The following SYNPO variants were observed in gnomAD, a reference collection of about 807,000 sequenced individuals.
The protein encoded by SYNPO is synaptopodin.
A neutral mutation model predicts 49.5 loss-of-function variants in SYNPO; 19 were observed. The observed-to-expected ratio is 0.38, with a 90% CI of 0.27 to 0.56. The LOEUF is 0.56. Ranked by LOEUF, SYNPO falls within the 20% of genes least tolerant of loss-of-function variation. The pLI is 0.68. For missense variants in SYNPO, 1,131 were observed against 1,248.3 expected (o/e 0.91, Z 1.42); for synonymous variants, 536 against 548.0 (o/e 0.98, Z 0.31).
At chr5:150,641,475 G>A (rs1208082765) in intron 1 of SYNPO, among the ~76,000 whole-genome samples, 3 of 152,178 alleles carry the variant, frequency 2.0e-5, no homozygotes, top group Non-Finnish European at 4.4e-5. Context: ...CCCATTGACG[G>A]CATCGTGTGA....
chr5:150,624,896 C>T (rs1277288112), intron 2 of SYNPO: 8 of 985,372 alleles, frequency 8.1e-6, no homozygotes, highest in Non-Finnish European at 9.6e-6. Context: ...GGACCGTGCG[C>T]AGCGGCTGGA....
intron 1 of SYNPO, among the ~76,000 whole-genome samples, chr5:150,605,744 C>CCACACACACACACATACACACACACA (rs1756673563): frequency 7.1e-6 from 1 of 141,110 alleles, no homozygotes; most frequent in Non-Finnish European, 1.5e-5. Flanking sequence ...ACCACCCCCA[C>CCACACACACACACATACACACACACA]CACACACACA....
At chr5:150,607,767 C>A (rs1441544157) in intron 1 of SYNPO, among the ~76,000 whole-genome samples, 2 of 135,544 alleles carry the variant, frequency 1.5e-5, no homozygotes, top group African/African-American at 2.8e-5. Context: ...CTAGCAGGTA[C>A]ACTAAAAAGT....
At chr5:150,613,945 G>A (rs999695814) in intron 1 of SYNPO, among the ~76,000 whole-genome samples, 2 of 152,132 alleles carry the variant, frequency 1.3e-5, no homozygotes, top group South Asian at 2.1e-4. Flanking sequence ...TGGGGACCCT[G>A]CAGATGATGG....
intron 2 of SYNPO, among the ~76,000 whole-genome samples, chr5:150,622,300 A>C (rs917113601): frequency 1.3e-5 from 2 of 152,210 alleles, no homozygotes; most frequent in East Asian, 3.8e-4. Flanking sequence ...GTCTGGGCCC[A>C]TGCTTTTAAC....
chr5:150,636,963 C>A (rs1175098104), upstream of SYNPO, among the ~76,000 whole-genome samples: 1 of 152,160 alleles, frequency 6.6e-6, no homozygotes, highest in Non-Finnish European at 1.5e-5. Flanking sequence ...TACAGTTAAC[C>A]ACCCCCCAAT....
intron 1 of SYNPO, among the ~76,000 whole-genome samples, chr5:150,607,862 C>G (rs1324368509): frequency 6.6e-6 from 1 of 151,764 alleles, no homozygotes; most frequent in Admixed American, 6.6e-5. Context: ...GTCATGTTAA[C>G]ATGTAATAAA....
Position 150,649,488 on chromosome 5 carries a change from A to C in SYNPO, c.1213A>C (p.Lys405Gln). 6.2e-7 allele frequency: 1 copy of C among 1,613,818 alleles called. No homozygotes were observed. The highest frequency in any genetic ancestry group is 8.5e-7 in the Non-Finnish European group (1 of 1,179,842). ...GGATCTGGTACAGACAGCGGATGAG[A>C]AGCGGCGGCAGAGGGACCAGGGGGA... Reference protein sequence around the residue: ...LLDLVQTADEKRRQRDQGEVG... With the variant: ...LLDLVQTADEQRRQRDQGEVG... Residue 405 changes from lysine to glutamine, a missense_variant, in exon 2 of 3, where the codon AAG becomes CAG. Coordinates refer to ENST00000307662, the MANE Select transcript of SYNPO (RefSeq NM_007286.6).
chr5:150,599,293 T>C (rs1403572112), upstream of SYNPO, among the ~76,000 whole-genome samples: 1 of 152,230 alleles, frequency 6.6e-6, no homozygotes, highest in East Asian at 1.9e-4. Flanking sequence ...CACTTGCTAG[T>C]GGCATGGTGA....
At chr5:150,638,746 C>T (rs78432462), upstream of SYNPO, among the ~76,000 whole-genome samples, 3 of 152,276 alleles carry the variant, frequency 2.0e-5, no homozygotes, top group East Asian at 5.8e-4. Context: ...CTGGCAGAGG[C>T]ACTGTTTAGG....
At chr5:150,611,680 G>C (rs1200913487) in intron 1 of SYNPO, among the ~76,000 whole-genome samples, 4 of 152,200 alleles carry the variant, frequency 2.6e-5, no homozygotes, top group East Asian at 3.9e-4. Flanking sequence ...GGTTGATACT[G>C]ATGGCCGCTG....
chr5:150,618,598 G>T, exon 2 of SYNPO: 1 of 1,551,352 alleles, frequency 6.4e-7, no homozygotes, highest in African/African-American at 1.4e-5. Context: ...AGGGGACACC[G>T]CAGCTGCCCA....
upstream of SYNPO, among the ~76,000 whole-genome samples, chr5:150,636,252 GC>G (rs1300135935): frequency 2.0e-5 from 3 of 152,100 alleles, no homozygotes; most frequent in Non-Finnish European, 4.4e-5. Context: ...CTCTCCTTAA[GC>G]AGTAATATAC....
In SYNPO at chr5:150,649,603, C is replaced by T. The variant is rs564710386; in HGVS notation, c.1328C>T (p.Ala443Val). The T allele has an allele frequency of 1.9e-5, 30 of 1,609,214 alleles. No individual in the cohort carries two copies. In the Middle Eastern group the frequency reaches 6.6e-4, roughly 35 times the overall value. Residue 443 changes from alanine to valine, a missense_variant, in exon 2 of 3, where the codon GCG (alanine) becomes GTG (valine). Ala to Val is a moderately conservative substitution (Grantham distance 64). Transcript: ENST00000307662. ...GCACCTCGTGACAGGGCCAGCCCCG[C>T]GGCGGCGGAGGAGGTGGTACCAGAG... ...EPAPRDRASP[A>V]AAEEVVPEWA...
At chr5:150,591,287 C>T in the SYNPO span, among the ~76,000 whole-genome samples, 3 of 152,204 alleles carry the variant, frequency 2.0e-5, no homozygotes, top group East Asian at 3.8e-4. Context: ...GAGCCCGGGA[C>T]GGGGAGGCTG....
intron 2 of SYNPO, chr5:150,651,559 T>G: frequency 1.0e-6 from 1 of 1,002,054 alleles, no homozygotes; most frequent in Non-Finnish European, 1.2e-6. Flanking sequence ...AGGGTTGGAA[T>G]GAGCTGCTGC....
chr5:150,650,178 A>G lies in SYNPO; in HGVS notation c.1903A>G (p.Thr635Ala), dbSNP rs758502885. Residue 635 changes from threonine (T) to alanine (A), a missense_variant, in exon 2 of 3, where the codon ACT becomes GCT. Physicochemically the swap from Thr to Ala is moderately conservative, Grantham distance 58 (BLOSUM62 0). Around this residue, in one of 4 missense-constraint regions of SYNPO, gnomAD observed 509 missense variants for 484.5 expected, o/e 1.05. Transcript: ENST00000307662. ...TSPGQDSLQP[T>A]AVSPPYGGDI... ...CCCCGGCCAGGACAGCCTGCAGCCC[A>G]CTGCCGTGAGCCCTCCTTACGGCGG... 3.1e-6 allele frequency: 5 copies of G among 1,613,666 alleles called. No homozygotes were observed. In the East Asian group the frequency reaches 1.1e-4, roughly 36 times the overall value.
At chr5:150,612,764 G>A (rs1756882906) in intron 1 of SYNPO, among the ~76,000 whole-genome samples, 1 of 152,126 alleles carries the variant, frequency 6.6e-6, no homozygotes, top group South Asian at 2.1e-4. Flanking sequence ...TACTGGTTTT[G>A]TGTTTTGTTC....
rs1173630754 is a variant in SYNPO, at chr5:150,657,558, T to G, written c.*471T>G. ...ACCTTCAGGGTTCCATACTCGTCCCTCCCCTCCTGGCTCTGCTGTCTGGAG... is the reference window on the plus strand; with the variant it reads ...ACCTTCAGGGTTCCATACTCGTCCCGCCCCTCCTGGCTCTGCTGTCTGGAG... On this transcript the variant is annotated 3_prime_UTR_variant, in exon 3 of 3. Coordinates refer to ENST00000307662, the MANE Select transcript of SYNPO (RefSeq NM_007286.6). 6.4e-6 allele frequency: 1 copy of G among 157,386 alleles called. No homozygotes were observed. Among genetic ancestry groups the G allele is most frequent in the East Asian group, 1.8e-4 (1 of 5,456 alleles). 9.7% of individuals were successfully genotyped at this position (157,386 alleles called of 1,614,324 possible). A position where few individuals can be genotyped will look rare whatever the true frequency, so the allele number is the denominator to read the frequency against.
Sources: gnomAD v4.1 joint callset for allele counts (sites outside exome capture counted in the v4.1 genomes callset) on GRCh38, gnomAD v4.1.1 for gene constraint, gnomAD v4.1.1 regional missense constraint, MANE v1.5 for transcripts, NCBI Gene and HGNC (gene_info 2026-07-23, HGNC 2026-07-21) for gene names.